The following HNRNPDL variants were observed in gnomAD, a reference collection of about 807,000 sequenced individuals.
HNRNPDL encodes heterogeneous nuclear ribonucleoprotein D like, also known as heterogeneous nuclear ribonucleoprotein D-like.
In HNRNPDL, 18 loss-of-function variants were observed where a neutral mutation model predicts 48.0. The observed-to-expected ratio is 0.38, with a 90% CI of 0.26 to 0.56. The LOEUF (loss-of-function observed/expected upper bound fraction) is 0.56, where lower values mean the gene tolerates loss of function less well. Ranked by LOEUF, HNRNPDL falls within the 20% of genes least tolerant of loss-of-function variation. HNRNPDL has a pLI of 0.77. For synonymous variants in HNRNPDL, 306 were observed against 207.3 expected, an observed-to-expected ratio of 1.48 and a Z score of -4.09; for missense variants, 553 against 540.7, an observed-to-expected ratio of 1.02 and a Z score of -0.23.
intron 3 of HNRNPDL, among the ~76,000 whole-genome samples, 195 bp from the exon 4 acceptor site, chr4:82,427,759 T>C (rs1488294557): frequency 1.3e-5 from 2 of 152,238 alleles, no homozygotes; most frequent in African/African-American, 4.8e-5. Context: ...GAGAAATTAA[T>C]ATTATTTTGT....
At chr4:82,426,417 G>A (rs1205836656) in intron 6 of HNRNPDL, 46 bp downstream of exon 6, 1 of 1,512,572 alleles carries the variant, frequency 6.6e-7, no homozygotes, top group African/African-American at 1.4e-5. Context: ...TGTTAACAAT[G>A]AATTTTAATA....
intron 3 of HNRNPDL, 83 bp from the exon 4 acceptor site, chr4:82,427,647 CAACTTAA>C: frequency 2.4e-6 from 3 of 1,254,564 alleles, no homozygotes; most frequent in Non-Finnish European, 3.4e-6. Context: ...TTTCAGGCTT[CAACTTAA>C]ACATGTTATT....
rs1316842977 is a variant in HNRNPDL at position 82,429,596 on chromosome 4, GGCC to G, written c.92_94del (p.Arg31del). The G allele has an allele frequency of 4.4e-6, 6 of 1,377,344 alleles. No homozygotes were observed. The highest frequency in any genetic ancestry group is 5.6e-6 in the Non-Finnish European group (6 of 1,069,120). 85.3% of individuals were successfully genotyped at this position (1,377,344 alleles called of 1,614,324 possible). A position where few individuals can be genotyped will look rare whatever the true frequency, so the allele number is the denominator to read the frequency against. ...CGGGGCTAGCTGCCGCGGCGGCCGC[GGCC>G]GCCAATGGGAGAGGCTGCGGGAGGC... On this transcript the variant is annotated inframe_deletion, in exon 1 of 8. Coordinates refer to ENST00000295470, the MANE Select transcript of HNRNPDL (RefSeq NM_031372.4).
At position 82,423,574 on chromosome 4, in the gene HNRNPDL, T is replaced by G. The variant is rs564857955; in HGVS notation, c.*1332A>C. On this transcript the variant is annotated 3_prime_UTR_variant, in exon 8 of 8. Transcript: ENST00000295470. ...ATGAGCATAAGAAACTTACCAGTTT[T>G]GTGAGATCACCCGTTGTGTGAGATC... 6.6e-6 allele frequency: 1 copy of G among 152,180 alleles called. No homozygotes were observed. Among genetic ancestry groups the G allele is most frequent in the Non-Finnish European group, 1.5e-5 (1 of 68,026 alleles). 9.4% of individuals were successfully genotyped at this position (152,180 alleles called of 1,614,324 possible).
intron 1 of HNRNPDL, 21 bp downstream of exon 1, chr4:82,429,227 G>A (rs765008087): frequency 6.8e-6 from 11 of 1,609,716 alleles, no homozygotes; most frequent in African/African-American, 5.3e-5. Context: ...GAGGGGGAGC[G>A]GGGGAAGAAG....
chr4:82,428,501 G>A, intron 1 of HNRNPDL, 55 bp from the exon 2 acceptor site: 2 of 1,357,594 alleles, frequency 1.5e-6, no homozygotes, highest in South Asian at 1.3e-5. Context: ...TGATCCTTCA[G>A]TTCTGGAATT....
At chr4:82,424,956 TTG>T (rs1382731971) in intron 7 of HNRNPDL, 73 bp from the exon 8 acceptor site, 1 of 152,176 alleles carries the variant, frequency 6.6e-6, no homozygotes, top group Non-Finnish European at 1.5e-5. Flanking sequence ...CTTTCATGAA[TTG>T]TTTTAAGTCC....
intron 7 of HNRNPDL, 57 bp downstream of exon 7, chr4:82,425,980 A>T: frequency 8.8e-7 from 1 of 1,136,674 alleles, no homozygotes; most frequent in Non-Finnish European, 1.3e-6. Context: ...TCATTTGTCT[A>T]TTGATCTTTA....
At chr4:82,427,354 A>C (rs1721456962) in intron 4 of HNRNPDL, 50 bp from the exon 5 acceptor site, 4 of 1,535,260 alleles carry the variant, frequency 2.6e-6, no homozygotes, top group Non-Finnish European at 3.5e-6. Context: ...TTCTAAAATT[A>C]AATCATTTTA....
At chr4:82,427,819 T>C (rs1386669101) in intron 3 of HNRNPDL, among the ~76,000 whole-genome samples, 199 bp downstream of exon 3, 1 of 152,244 alleles carries the variant, frequency 6.6e-6, no homozygotes, top group Admixed American at 6.5e-5. Context: ...CACATTTAAG[T>C]GCCCATGTTT....
In HNRNPDL at chr4:82,424,776, A is replaced by G. The variant is rs1721349707; in HGVS notation, c.*130T>C. ...TTGGCAGCTATATACAGTTGGACAC[A>G]ATGGTGTCTTGTACACTAGAAAGTC... On this transcript the variant is annotated 3_prime_UTR_variant, in exon 8 of 8. Transcript: ENST00000295470. 6.6e-6 allele frequency: 1 copy of G among 152,388 alleles called. No homozygotes were observed. The highest frequency in any genetic ancestry group is 1.5e-5 in the Non-Finnish European group (1 of 68,050). 9.4% of individuals were successfully genotyped at this position (152,388 alleles called of 1,614,324 possible).
chr4:82,429,189 A>G (rs1024189536), intron 1 of HNRNPDL, 59 bp downstream of exon 1: 5 of 1,512,696 alleles, frequency 3.3e-6, no homozygotes, highest in East Asian at 2.3e-5. Context: ...GCTCACGAGG[A>G]ACGAAGGGCG....
rs1235141153 is a variant in HNRNPDL, at chr4:82,428,104, C to G, written c.688G>C (p.Glu230Gln). The G allele has an allele frequency of 1.2e-6, 2 of 1,614,010 alleles. No individual in the cohort carries two copies. The highest frequency in any genetic ancestry group is 1.7e-6 in the Non-Finnish European group (2 of 1,179,998). ...PKRAKALKGK[E>Q]PPKKVFVGGL... ...CCCACAAAAACCTTTTTGGGAGGTT[C>G]TTTCCCTTTTAAAGCTTTGGCCCTT... The change falls in exon 3 of 8, where the codon GAA (glutamate) becomes CAA (glutamine). Residue 230 changes from glutamate (E) to glutamine (Q), a missense_variant. Physicochemically the swap from Glu to Gln is conservative, Grantham distance 29. Around this residue, in one of 4 missense-constraint regions of HNRNPDL, gnomAD observed 174 missense variants for 204.6 expected, o/e 0.85. Coordinates refer to ENST00000295470, the MANE Select transcript of HNRNPDL (RefSeq NM_031372.4).
chr4:82,428,467 A>T lies in HNRNPDL; in HGVS notation c.444-21T>A, dbSNP rs199594758. ...TTTTACTAGAAATAAAAGTGTTTTT[A>T]AAAAAAATTAACAATAACTCAAATG... is the stretch of plus-strand genomic sequence containing the variant. On this transcript the variant is annotated intron_variant, in intron 1 of 7. Coordinates refer to ENST00000295470, the MANE Select transcript of HNRNPDL (RefSeq NM_031372.4). 7.1e-3 allele frequency: 11,030 copies of T among 1,543,968 alleles called. 74 individuals are homozygous for T. The highest frequency in any genetic ancestry group is 0.016 in the Middle Eastern group (96 of 5,852).
Position 82,427,213 on chromosome 4 carries a change from C to T in HNRNPDL, c.998G>A (p.Gly333Asp). Residue 333 changes from glycine (G) to aspartate (D), a missense_variant, in exon 5 of 8, where the codon GGT becomes GAT. Physicochemically the swap from Gly to Asp is moderately conservative, Grantham distance 94 (BLOSUM62 -1). Around this residue, in one of 4 missense-constraint regions of HNRNPDL, gnomAD observed 174 missense variants for 204.6 expected, o/e 0.85. Coordinates refer to ENST00000295470, the MANE Select transcript of HNRNPDL (RefSeq NM_031372.4). ...ACCTCGGCCACGACCCCTCGTACCA[C>T]CTCGTCCACCAGCTGCAGCACCTCT... Reference protein sequence around the residue: ...GGRGAAAGGRGGTRGRGRGQG... With the variant: ...GGRGAAAGGRDGTRGRGRGQG... 1 of 1,613,468 alleles carries T rather than the reference C, an allele frequency of 6.2e-7. No homozygotes were observed. The highest frequency in any genetic ancestry group is 8.5e-7 in the Non-Finnish European group (1 of 1,179,392).
rs1721348594 is a variant in HNRNPDL at position 82,424,749 on chromosome 4, A to AAAG, written c.*156_*157insCTT. On this transcript the variant is annotated 3_prime_UTR_variant, in exon 8 of 8. Transcript: ENST00000295470. ...GGACAAAGTAAAAACAAAGAAAACT[A>AAAG]ATTGGCAGCTATATACAGTTGGACA... The AAAG allele has an allele frequency of 6.6e-6, 1 of 152,504 alleles. No individual in the cohort carries two copies. The highest frequency in any genetic ancestry group is 1.5e-5 in the Non-Finnish European group (1 of 68,042). 9.4% of individuals were successfully genotyped at this position (152,504 alleles called of 1,614,324 possible). A position where few individuals can be genotyped will look rare whatever the true frequency, so the allele number is the denominator to read the frequency against.
In HNRNPDL at chr4:82,426,525, T is replaced by C; in HGVS notation, c.1130A>G (p.Tyr377Cys). 2.5e-6 allele frequency: 4 copies of C among 1,613,036 alleles called. No individual in the cohort carries two copies. The highest frequency in any genetic ancestry group is 3.4e-6 in the Non-Finnish European group (4 of 1,179,124). ...GDQNYSGYGGYDYTGYNYGNY... is the reference protein window; with the variant it reads ...GDQNYSGYGGCDYTGYNYGNY... ...CCCATAGTTATACCCAGTATAATCA[T>C]ATCCGCCATAGCCACTATAGTTTTG... The change falls in exon 6 of 8, where the codon TAT becomes TGT. Residue 377 changes from tyrosine to cysteine, a missense_variant. By Grantham distance (194) the Tyr-to-Cys change is radical (BLOSUM62 -2). Around this residue, in one of 4 missense-constraint regions of HNRNPDL, gnomAD observed 174 missense variants for 204.6 expected, o/e 0.85. Coordinates refer to ENST00000295470, the MANE Select transcript of HNRNPDL (RefSeq NM_031372.4).
chr4:82,429,716 G>T lies in HNRNPDL; in HGVS notation c.-26C>A. The T allele has an allele frequency of 7.5e-7, 1 of 1,340,326 alleles. No individual in the cohort carries two copies. The highest frequency in any genetic ancestry group is 9.5e-7 in the Non-Finnish European group (1 of 1,048,934). The allele number at this position is 1,340,326 out of a possible 1,614,324, so 83.0% of individuals were successfully genotyped here. A position where few individuals can be genotyped will look rare whatever the true frequency, so the allele number is the denominator to read the frequency against. ...CGCGGCCCTCCCGGCAAGGAGAGAG[G>T]CCACGCGTGAGGGGACGCGGGCTTG... is the stretch of plus-strand genomic sequence containing the variant. On this transcript the variant is annotated 5_prime_UTR_variant, in exon 1 of 8. Coordinates refer to ENST00000295470, the MANE Select transcript of HNRNPDL (RefSeq NM_031372.4).
intron 1 of HNRNPDL, among the ~76,000 whole-genome samples, chr4:82,428,841 T>C (rs1353156951): frequency 6.6e-6 from 1 of 152,240 alleles, no homozygotes; most frequent in Non-Finnish European, 1.5e-5. Context: ...TTTGTGAATC[T>C]GGGTACCAGT....
Sources: allele counts gnomAD v4.1 joint callset (sites outside exome capture counted in the v4.1 genomes callset), GRCh38; gene constraint gnomAD v4.1.1; regional missense constraint gnomAD v4.1.1; transcripts MANE v1.5; gene names NCBI Gene and HGNC (gene_info 2026-07-23, HGNC 2026-07-21).